The following HEXB variants were observed in gnomAD, a reference collection of about 807,000 sequenced individuals.
HEXB encodes the protein hexosaminidase subunit beta.
HEXB carries 51 observed loss-of-function variants against 71.2 expected under a neutral mutation model. That is an observed-to-expected ratio of 0.72 (90% CI 0.57 to 0.90). The LOEUF (loss-of-function observed/expected upper bound fraction) is 0.90, where lower values mean the gene tolerates loss of function less well. Ranked by LOEUF, HEXB falls within the 40% of genes least tolerant of loss-of-function variation. The pLI, the probability that HEXB is intolerant of heterozygous loss-of-function variation, is 0.00. For missense variants in HEXB, 617 were observed against 677.0 expected (o/e 0.91, Z 0.98); for synonymous variants, 266 against 249.3 (o/e 1.07, Z -0.63).
intron 6 of HEXB, among the ~76,000 whole-genome samples, chr5:74,709,823 A>G (rs1049537560): frequency 3.9e-5 from 6 of 152,214 alleles, no homozygotes; most frequent in Non-Finnish European, 8.8e-5. Context: ...AGAGTCCAGG[A>G]CCAGATGGAT....
intron 1 of HEXB, among the ~76,000 whole-genome samples, chr5:74,666,617 CCA>C (rs1374974298): frequency 2.0e-5 from 3 of 152,186 alleles, no homozygotes; most frequent in African/African-American, 7.2e-5. Context: ...GAGGCCCTGC[CCA>C]CACTGCAGAG....
intron 1 of HEXB, among the ~76,000 whole-genome samples, chr5:74,669,285 A>G (rs1748490200): frequency 2.0e-5 from 3 of 152,148 alleles, no homozygotes; most frequent in South Asian, 4.1e-4. Context: ...TTTTCGACAT[A>G]CAAAATTTAA....
rs1749855846 is a variant in HEXB at position 74,721,241 on chromosome 5, A to AATAAGATATTAGACT, written c.*67_*81dup. On this transcript the variant is annotated 3_prime_UTR_variant, in exon 14 of 14. Coordinates refer to ENST00000261416, the MANE Select transcript of HEXB (RefSeq NM_000521.4). ...TCAACTTTATTTTGAAATCATGTAAAATAAGATATTAGACTGTTTTTTGAA... is the reference window on the plus strand; with the variant it reads ...TCAACTTTATTTTGAAATCATGTAAAATAAGATATTAGACTATAAGATATTAGACTGTTTTTTGAA... 2.0e-5 allele frequency: 25 copies of AATAAGATATTAGACT among 1,236,692 alleles called. No individual in the cohort carries two copies. The Admixed American group carries it at 4.2e-4, about 21-fold the overall frequency. The allele number at this position is 1,236,692 out of a possible 1,614,324, so 76.6% of individuals were successfully genotyped here. A position where few individuals can be genotyped will look rare whatever the true frequency, so the allele number is the denominator to read the frequency against.
intron 6 of HEXB, among the ~76,000 whole-genome samples, chr5:74,712,351 A>G (rs1749565472): frequency 6.6e-6 from 1 of 151,360 alleles, no homozygotes; most frequent in South Asian, 2.1e-4. Context: ...TAGTGGGTGC[A>G]GCGCACCAGC....
chr5:74,669,962 C>T (rs892074188), intron 1 of HEXB, among the ~76,000 whole-genome samples: 5 of 152,126 alleles, frequency 3.3e-5, no homozygotes, highest in African/African-American at 4.8e-5. Context: ...CTGTGGAAGA[C>T]GTGTTGATAG....
intron 1 of HEXB, among the ~76,000 whole-genome samples, chr5:74,663,190 T>TG (rs1561205514): frequency 9.3e-6 from 1 of 107,536 alleles, no homozygotes; most frequent in Admixed American, 1.1e-4. Context: ...TTCCTTTTTT[T>TG]TGGGGGGGTG....
chr5:74,680,174 C>T (rs1447531669), intron 1 of HEXB, among the ~76,000 whole-genome samples: 6 of 152,154 alleles, frequency 3.9e-5, no homozygotes, highest in Admixed American at 6.5e-5. Context: ...AAGGATGACT[C>T]GCAAATCAGA....
chr5:74,653,327 A>C (rs1250371690), intron 1 of HEXB, among the ~76,000 whole-genome samples: 1 of 152,270 alleles, frequency 6.6e-6, no homozygotes, highest in Non-Finnish European at 1.5e-5. Context: ...CTCCTGGATC[A>C]TTCAGTGAAT....
At chr5:74,677,689 CTTTTT>C (rs575779865) in intron 1 of HEXB, among the ~76,000 whole-genome samples, 1 of 151,672 alleles carries the variant, frequency 6.6e-6, no homozygotes, top group Admixed American at 6.6e-5. Flanking sequence ...CAAATTAAGT[CTTTTT>C]TTATTATTAT....
In HEXB at chr5:74,697,043, C is replaced by T; in HGVS notation, c.606C>T (p.His202=). ...TTATTGATTCTCCAAGGTTTTCTCA[C>T]AGAGGAATTTTGATTGATACATCCA... ...STIIDSPRFS[H]RGILIDTSRH... is the part of the protein sequence containing the mutation. The change falls in exon 5 of 14, where the codon CAC becomes CAT. Residue 202 remains histidine, a synonymous_variant. Coordinates refer to ENST00000261416, the MANE Select transcript of HEXB (RefSeq NM_000521.4). 1.9e-6 allele frequency: 3 copies of T among 1,586,486 alleles called. No homozygotes were observed. Among genetic ancestry groups the T allele is most frequent in the Non-Finnish European group, 2.6e-6 (3 of 1,155,732 alleles).
At chr5:74,675,441 T>C (rs1441137169) in intron 1 of HEXB, among the ~76,000 whole-genome samples, 1 of 152,160 alleles carries the variant, frequency 6.6e-6, no homozygotes, top group Non-Finnish European at 1.5e-5. Context: ...TCTTTGTCAG[T>C]TGATACATAA....
At chr5:74,679,235 T>C (rs1748692251) in intron 1 of HEXB, among the ~76,000 whole-genome samples, 3 of 152,178 alleles carry the variant, frequency 2.0e-5, no homozygotes, top group African/African-American at 7.2e-5. Flanking sequence ...ACATTGAAGA[T>C]AGGGTTAGTG....
At chr5:74,716,945 T>A (rs1202969966) in intron 9 of HEXB, 3 of 274,670 alleles carry the variant, frequency 1.1e-5, no homozygotes, top group Non-Finnish European at 2.1e-5. Flanking sequence ...ATCCCGGCAC[T>A]TTGGGAGGCC....
Position 74,689,341 on chromosome 5 carries a change from AT to A in HEXB, c.318del (p.Phe106LeufsTer48). The A allele has an allele frequency of 6.2e-7, 1 of 1,613,164 alleles. No homozygotes were observed. The highest frequency in any genetic ancestry group is 8.5e-7 in the Non-Finnish European group (1 of 1,179,108). On this transcript the variant is annotated frameshift_variant, in exon 2 of 14. Coordinates refer to ENST00000261416, the MANE Select transcript of HEXB (RefSeq NM_000521.4). LOFTEE classifies it high-confidence loss of function. ...EEAFRRYHGYIFGFYKWHHEP... is the reference protein window; with the variant it reads ...EEAFRRYHGYXFGFYKWHHEP... The stretch of plus-strand genomic sequence containing the variant: ...TTTCTCAAACAGATATCATGGCTAT[AT>A]TTTTGGTTTCTACAAGTGGCATCAT...
chr5:74,720,640 T>C lies in HEXB; in HGVS notation c.1509-3T>C. 6.2e-7 allele frequency: 1 copy of C among 1,613,876 alleles called. No individual in the cohort carries two copies. The highest frequency in any genetic ancestry group is 8.5e-7 in the Non-Finnish European group (1 of 1,179,742). ...GCGGGGGGATGTGTGATTTAAATTT[T>C]AGGCCTCGGGCAAGTGCTGTTGGTG... On this transcript the variant is annotated splice_polypyrimidine_tract_variant and splice_region_variant and intron_variant, in intron 12 of 13. Transcript: ENST00000261416.
At chr5:74,696,433 C>T (rs933742206) in intron 3 of HEXB, among the ~76,000 whole-genome samples, 6 of 151,942 alleles carry the variant, frequency 3.9e-5, no homozygotes, top group African/African-American at 1.5e-4. Context: ...TGAAACAACC[C>T]CCAGGGTATG....
intron 1 of HEXB, among the ~76,000 whole-genome samples, chr5:74,678,422 A>C (rs1168230201): frequency 3.3e-5 from 5 of 152,116 alleles, no homozygotes; most frequent in Non-Finnish European, 7.3e-5. Flanking sequence ...CCTCATCAGA[A>C]CTATACAGCT....
In HEXB at chr5:74,693,695, G is replaced by C; in HGVS notation, c.502G>C (p.Ala168Pro). Reference protein sequence around the residue: ...AVLKANRVWGALRGLETFSQL... With the variant: ...AVLKANRVWGPLRGLETFSQL... The stretch of plus-strand genomic sequence containing the variant: ...CCTTAAGGCCAACAGAGTTTGGGGA[G>C]CATTACGAGGTAAGTTCCATGCAGT... Residue 168 changes from alanine (A) to proline (P), a missense_variant, in exon 3 of 14, where the codon GCA (alanine) becomes CCA (proline). Ala to Pro is a conservative substitution (Grantham distance 27). Transcript: ENST00000261416. 6.2e-7 allele frequency: 1 copy of C among 1,610,890 alleles called. No homozygotes were observed. The highest frequency in any genetic ancestry group is 1.3e-5 in the African/African-American group (1 of 74,978).
upstream of HEXB, among the ~76,000 whole-genome samples, chr5:74,682,073 C>T (rs891752084): frequency 7.9e-5 from 12 of 152,328 alleles, no homozygotes; most frequent in African/African-American, 2.9e-4. Flanking sequence ...AGTAGATCCT[C>T]CGGGGCTGGG....
Sources: gnomAD v4.1 joint callset for allele counts (sites outside exome capture counted in the v4.1 genomes callset) on GRCh38, gnomAD v4.1.1 for gene constraint, MANE v1.5 for transcripts, NCBI Gene and HGNC (gene_info 2026-07-23, HGNC 2026-07-21) for gene names.